The following RBFOX3 variants were observed in gnomAD, a reference collection of about 807,000 sequenced individuals.
The protein encoded by RBFOX3 is RNA binding fox-1 homolog 3, also known as RNA binding protein fox-1 homolog 3.
A neutral mutation model predicts 48.7 loss-of-function variants in RBFOX3; 17 were observed. The ratio of observed to expected loss-of-function variants is 0.35; its 90% CI spans 0.24 to 0.52. The LOEUF (loss-of-function observed/expected upper bound fraction) is 0.52. RBFOX3 is among the 20% of genes least tolerant of loss of function. The pLI, the probability that RBFOX3 is intolerant of heterozygous loss-of-function variation, is 0.94. For missense variants in RBFOX3, 382 were observed against 497.5 expected, an observed-to-expected ratio of 0.77 and a Z score of 2.21; for synonymous variants, 212 against 209.5, an observed-to-expected ratio of 1.01 and a Z score of -0.10.
At position 79,103,111 on chromosome 17, in the gene RBFOX3, G is replaced by A; in HGVS notation, c.507+51C>T. On this transcript the variant is annotated intron_variant, in intron 8 of 14. Coordinates refer to ENST00000693108, the MANE Select transcript of RBFOX3 (RefSeq NM_001350451.2). This position sits in a 1 kb window ranked among gnomAD's most constrained non-coding sequence, Gnocchi z 6.1. ...GCTGGTTGGTTGGGGGAGCTGGGGGGCAGGTGGGCGATCTTGGGGCATCCC... is the reference window on the plus strand; with the variant it reads ...GCTGGTTGGTTGGGGGAGCTGGGGGACAGGTGGGCGATCTTGGGGCATCCC... 7.4e-7 allele frequency: 1 copy of A among 1,355,658 alleles called. No homozygotes were observed. Among genetic ancestry groups the A allele is most frequent in the East Asian group, 2.5e-5 (1 of 39,964 alleles). 84.0% of individuals were successfully genotyped at this position (1,355,658 alleles called of 1,614,324 possible).
At chr17:79,528,166 A>G (rs1221832644) in intron 1 of RBFOX3, among the ~76,000 whole-genome samples, 1,171 of 113,996 alleles carry the variant, frequency 0.01, 6 homozygotes, top group Middle Eastern at 0.041. Context: ...CTCTGAGGAG[A>G]ATCTTAGTTG....
At chr17:79,613,929 G>A (rs940716932), upstream of RBFOX3, among the ~76,000 whole-genome samples, 3 of 152,100 alleles carry the variant, frequency 2.0e-5, no homozygotes, top group Non-Finnish European at 2.9e-5. Context: ...AGCCGAGATC[G>A]CGCCACTGTA....
In RBFOX3 at chr17:79,578,444, C is replaced by T. The variant is rs952461599; in HGVS notation, c.-320+32382G>A. Among the ~76,000 whole-genome samples, 1,328 of 152,360 alleles carry T rather than the reference C, an allele frequency of 8.7e-3. 23 individuals carry two copies. The highest frequency in any genetic ancestry group is 0.03 in the African/African-American group (1,266 of 41,584). ...CTCTTCTGTGTGGGCACACAGGTGCCGTTCTTTGGGGAGGTGGCTGTGGGT... is the reference window on the plus strand; with the variant it reads ...CTCTTCTGTGTGGGCACACAGGTGCTGTTCTTTGGGGAGGTGGCTGTGGGT... On this transcript the variant is annotated intron_variant, in intron 1 of 14. Coordinates refer to ENST00000693108, the MANE Select transcript of RBFOX3 (RefSeq NM_001350451.2).
chr17:79,118,353 G>GC (rs543991642), intron 4 of RBFOX3, among the ~76,000 whole-genome samples: 38 of 152,288 alleles, frequency 2.5e-4, no homozygotes, highest in African/African-American at 8.4e-4. Flanking sequence ...CAGGCTCATT[G>GC]CCCCAAGGTA....
chr17:79,188,753 G>A (rs1216695895), intron 4 of RBFOX3, among the ~76,000 whole-genome samples: 4 of 95,622 alleles, frequency 4.2e-5, no homozygotes, highest in South Asian at 3.1e-4. Flanking sequence ...TGTGGAAGGC[G>A]AGCGAGCTCT....
At chr17:79,276,449 G>A (rs2068841040) in intron 3 of RBFOX3, among the ~76,000 whole-genome samples, 1 of 152,192 alleles carries the variant, frequency 6.6e-6, no homozygotes, top group South Asian at 2.1e-4. Flanking sequence ...ACTTTGGGAG[G>A]CTGAGGCGGG....
At chr17:79,469,323 T>A (rs1230755342) in intron 2 of RBFOX3, among the ~76,000 whole-genome samples, 1 of 152,136 alleles carries the variant, frequency 6.6e-6, no homozygotes, top group Non-Finnish European at 1.5e-5. Flanking sequence ...TCTGTGCCCA[T>A]CTCCCTGCAG....
chr17:79,245,972 T>C (rs189048104), intron 3 of RBFOX3, among the ~76,000 whole-genome samples: 74 of 152,074 alleles, frequency 4.9e-4, no homozygotes, highest in African/African-American at 1.7e-3. Flanking sequence ...GAGAATCACG[T>C]CATTGGCCCC....
At position 79,364,469 on chromosome 17, in the gene RBFOX3, C is replaced by T. The variant is rs2057430792; in HGVS notation, c.-174-56645G>A. Among the ~76,000 whole-genome samples the T allele has an allele frequency of 6.6e-6, 1 of 152,238 alleles. No individual in the cohort carries two copies. The highest frequency in any genetic ancestry group is 6.5e-5 in the Admixed American group (1 of 15,284). On this transcript the variant is annotated intron_variant, in intron 2 of 14. Coordinates refer to ENST00000693108, the MANE Select transcript of RBFOX3 (RefSeq NM_001350451.2). This position sits in a 1 kb window ranked among gnomAD's most constrained non-coding sequence, Gnocchi z 5.1. ...ATGCTCTCTGCAGCTGGGGACAGTGCTGCTCTCCCAGGCCAAGCACGTCTC... is the reference window on the plus strand; with the variant it reads ...ATGCTCTCTGCAGCTGGGGACAGTGTTGCTCTCCCAGGCCAAGCACGTCTC...
intron 4 of RBFOX3, among the ~76,000 whole-genome samples, chr17:79,210,740 T>C (rs887343777): frequency 4.6e-5 from 7 of 152,204 alleles, no homozygotes; most frequent in Non-Finnish European, 1.0e-4. Flanking sequence ...CATCTGCACG[T>C]CTGGTGCCTG....
intron 4 of RBFOX3, among the ~76,000 whole-genome samples, chr17:79,222,888 A>AGCAG (rs2059899523): frequency 6.6e-6 from 1 of 152,194 alleles, no homozygotes; most frequent in Admixed American, 6.5e-5. Flanking sequence ...GTGAGAAAGA[A>AGCAG]GCAGTTTCCT....
At chr17:79,185,360 G>C (rs1452064980) in intron 4 of RBFOX3, among the ~76,000 whole-genome samples, 1 of 152,250 alleles carries the variant, frequency 6.6e-6, no homozygotes, top group Non-Finnish European at 1.5e-5. Flanking sequence ...GCCTAGGACA[G>C]TGGTGGGGGT....
intron 4 of RBFOX3, among the ~76,000 whole-genome samples, chr17:79,164,081 C>T (rs994536192): frequency 6.6e-6 from 1 of 152,156 alleles, no homozygotes; most frequent in African/African-American, 2.4e-5. Context: ...CCTTCTGTAC[C>T]AGGGTTCGGA....
the RBFOX3 span, among the ~76,000 whole-genome samples, chr17:79,630,523 G>A: frequency 6.6e-6 from 1 of 152,110 alleles, no homozygotes; most frequent in African/African-American, 2.4e-5. Context: ...AGTTTAAATG[G>A]GTTTGCCGGT....
chr17:79,354,781 TTAA>T (rs1311565227), intron 2 of RBFOX3, among the ~76,000 whole-genome samples: 1 of 152,156 alleles, frequency 6.6e-6, no homozygotes, highest in African/African-American at 2.4e-5. Flanking sequence ...CAGAGAGGGG[TTAA>T]TTTCCATATT....
chr17:79,323,026 A>C (rs2078777876), intron 2 of RBFOX3, among the ~76,000 whole-genome samples: 2 of 152,244 alleles, frequency 1.3e-5, no homozygotes, highest in African/African-American at 4.8e-5. Context: ...GCTGGGGGAC[A>C]TGAAGGCTGG....
chr17:79,227,318 T>C (rs2060423034), intron 4 of RBFOX3, among the ~76,000 whole-genome samples: 2 of 152,192 alleles, frequency 1.3e-5, no homozygotes, highest in Non-Finnish European at 2.9e-5. Flanking sequence ...TCGGAGTGGT[T>C]TCCCCTTTTC....
chr17:79,187,430 C>CT (rs1437072106), intron 4 of RBFOX3, among the ~76,000 whole-genome samples: 3 of 152,324 alleles, frequency 2.0e-5, no homozygotes, highest in Non-Finnish European at 2.9e-5. Context: ...TGCAGCTGTG[C>CT]TTGGCCGCGC....
chr17:79,244,434 C>T (rs1389970417), intron 3 of RBFOX3, among the ~76,000 whole-genome samples: 1 of 152,204 alleles, frequency 6.6e-6, no homozygotes, highest in Non-Finnish European at 1.5e-5. Context: ...TGTATGAAGC[C>T]TCCCAGTTTG....
Sources: gnomAD v4.1 joint callset for allele counts (sites outside exome capture counted in the v4.1 genomes callset) on GRCh38, gnomAD v4.1.1 for gene constraint, Gnocchi (gnomAD v3.1) non-coding constraint, MANE v1.5 for transcripts, NCBI Gene and HGNC (gene_info 2026-07-23, HGNC 2026-07-21) for gene names.